PAPPA: variants seen among roughly 807,000 people sequenced by gnomAD.
PAPPA encodes pappalysin 1.
PAPPA carries 60 observed loss-of-function variants against 164.0 expected under a neutral mutation model. The ratio of observed to expected loss-of-function variants is 0.37; its 90% confidence interval spans 0.30 to 0.45. The LOEUF (loss-of-function observed/expected upper bound fraction) is 0.45, where lower values mean the gene tolerates loss of function less well. Ranked by LOEUF, PAPPA falls within the 20% of genes least tolerant of loss-of-function variation. PAPPA has a pLI of 1.00. For synonymous variants in PAPPA, 875 were observed against 814.1 expected (o/e 1.07, Z -1.27); for missense variants, 1,782 against 2,087.3 (o/e 0.85, Z 2.85).
chr9:116,173,746 C>T (rs1366581744), intron 1 of PAPPA, among the ~76,000 whole-genome samples: 1 of 152,208 alleles, frequency 6.6e-6, no homozygotes, highest in Non-Finnish European at 1.5e-5. Context: ...TTCCCCAAAT[C>T]CTGTACCTCA....
chr9:116,217,805 G>A (rs999214918), intron 4 of PAPPA, among the ~76,000 whole-genome samples: 6 of 152,098 alleles, frequency 3.9e-5, no homozygotes, highest in African/African-American at 1.2e-4. Flanking sequence ...CTTCACAGAT[G>A]GGGTAACTGA....
Position 116,398,656 on chromosome 9 carries a change from A to G in PAPPA, c.*2040A>G. ...TTGGCACAGGTGCCCACAAATACGG[A>G]TGCAGTGCTGAGATAGTTTATGAGA... is the stretch of plus-strand genomic sequence containing the variant. On this transcript the variant is annotated 3_prime_UTR_variant, in exon 22 of 22. Coordinates refer to ENST00000328252, the MANE Select transcript of PAPPA (RefSeq NM_002581.5). 1.7e-6 allele frequency: 1 copy of G among 595,642 alleles called. No homozygotes were observed. Among genetic ancestry groups the G allele is most frequent in the Non-Finnish European group, 2.8e-6 (1 of 354,646 alleles). The allele number at this position is 595,642 out of a possible 1,614,324, so 36.9% of individuals were successfully genotyped here.
chr9:116,307,565 T>G (rs1845662815), intron 10 of PAPPA, among the ~76,000 whole-genome samples: 1 of 152,066 alleles, frequency 6.6e-6, no homozygotes. Context: ...TGCCATTACA[T>G]TCCAGCCTTG....
intron 9 of PAPPA, among the ~76,000 whole-genome samples, chr9:116,301,675 T>G (rs1845580592): frequency 6.6e-6 from 1 of 152,214 alleles, no homozygotes; most frequent in Non-Finnish European, 1.5e-5. Context: ...GGCTGCAGCT[T>G]TAAATCATTC....
rs1846814054 is a variant in PAPPA at position 116,386,503 on chromosome 9, A to T, written c.4776+4010A>T. On this transcript the variant is annotated intron_variant, in intron 21 of 21. Coordinates refer to ENST00000328252, the MANE Select transcript of PAPPA (RefSeq NM_002581.5). ...TCAACACAGAGAGGTCACTATTCTT[A>T]TTCCCATCACACAGATGAACCAGTC... is the stretch of plus-strand genomic sequence containing the variant. Among the ~76,000 whole-genome samples the T allele has an allele frequency of 2.6e-5, 4 of 152,292 alleles. No homozygotes were observed. In the South Asian group the frequency reaches 8.3e-4, roughly 32 times the overall value.
intron 18 of PAPPA, among the ~76,000 whole-genome samples, chr9:116,365,044 C>T (rs1360042402): frequency 6.6e-6 from 1 of 152,188 alleles, no homozygotes; most frequent in Non-Finnish European, 1.5e-5. Context: ...AGTTTTTGCT[C>T]ATCCACTCCT....
intron 1 of PAPPA, among the ~76,000 whole-genome samples, chr9:116,181,277 C>G (rs1467077820): frequency 4.6e-5 from 7 of 152,128 alleles, no homozygotes; most frequent in Non-Finnish European, 1.0e-4. Context: ...TTCTGGAGAT[C>G]AAAAGTCCAA....
chr9:116,268,679 A>C (rs1845100858), intron 8 of PAPPA, among the ~76,000 whole-genome samples: 1 of 122,738 alleles, frequency 8.1e-6, no homozygotes, highest in African/African-American at 3.1e-5. Flanking sequence ...AATTATTATT[A>C]ATTTTAAATA....
In PAPPA at chr9:116,207,490, C is replaced by G; in HGVS notation, c.1513C>G (p.Leu505Val). Residue 505 changes from leucine to valine, a missense_variant, in exon 3 of 22, where the codon CTT becomes GTT. By Grantham distance (32) the Leu-to-Val change is conservative (BLOSUM62 1). Around this residue, in one of 2 missense-constraint regions of PAPPA, gnomAD observed 1,324 missense variants for 1,656.9 expected, o/e 0.80. Transcript: ENST00000328252. ...GGATGTTAATGAGCTGAAGAACATT[C>G]TTAAATTGGATGGATCAACACATCT... is the stretch of plus-strand genomic sequence containing the variant. ...YLDVNELKNI[L>V]KLDGSTHLNI... 2 of 1,612,746 alleles carry G rather than the reference C, an allele frequency of 1.2e-6. No homozygotes were observed. The highest frequency in any genetic ancestry group is 8.5e-7 in the Non-Finnish European group (1 of 1,179,166).
intron 7 of PAPPA, among the ~76,000 whole-genome samples, chr9:116,254,803 G>A (rs868078968): frequency 6.5e-4 from 90 of 137,476 alleles, no homozygotes; most frequent in African/African-American, 2.4e-3. Context: ...AAAAAAAAAA[G>A]AGAGAAAGAA....
In PAPPA at chr9:116,212,011, A is replaced by T. The variant is rs1445005128; in HGVS notation, c.1918+79A>T. 4.8e-6 allele frequency: 6 copies of T among 1,255,598 alleles called. No homozygotes were observed. In the African/African-American group the frequency reaches 5.9e-5, roughly 12 times the overall value. The allele number at this position is 1,255,598 out of a possible 1,614,324, so 77.8% of individuals were successfully genotyped here. ...CAATCCTGGCTCAGGGGAACCTTGA[A>T]CAAGCTACTTACCATTTCTAAGGAT... On this transcript the variant is annotated intron_variant, in intron 4 of 21. Transcript: ENST00000328252.
intron 9 of PAPPA, among the ~76,000 whole-genome samples, chr9:116,298,418 G>C (rs187557461): frequency 6.6e-6 from 1 of 152,222 alleles, no homozygotes; most frequent in East Asian, 1.9e-4. Context: ...TAGCTGGATA[G>C]AACAGATTTC....
chr9:116,353,868 A>C, intron 17 of PAPPA, 75 bp downstream of exon 17: 1 of 1,091,598 alleles, frequency 9.2e-7, no homozygotes, highest in Non-Finnish European at 1.3e-6. Flanking sequence ...CCTGTACTTC[A>C]GGAACCACTT....
chr9:116,210,429 CTTG>C (rs1020678009), intron 3 of PAPPA, among the ~76,000 whole-genome samples: 6 of 152,158 alleles, frequency 3.9e-5, no homozygotes, highest in Non-Finnish European at 5.9e-5. Context: ...CCATGTGGGG[CTTG>C]CCAGCTCAAA....
intron 21 of PAPPA, among the ~76,000 whole-genome samples, chr9:116,390,246 G>T (rs1043838672): frequency 5.3e-5 from 8 of 152,118 alleles, no homozygotes; most frequent in Non-Finnish European, 1.0e-4. Context: ...ATAAATGAAA[G>T]GTCCAGAAGG....
At chr9:116,278,292 G>T (rs1432596781) in intron 9 of PAPPA, among the ~76,000 whole-genome samples, 1 of 152,174 alleles carries the variant, frequency 6.6e-6, no homozygotes, top group Non-Finnish European at 1.5e-5. Flanking sequence ...GAAAATTGAG[G>T]CGTTGAGAGG....
intron 8 of PAPPA, among the ~76,000 whole-genome samples, chr9:116,267,700 C>T (rs1270333400): frequency 6.6e-6 from 1 of 151,486 alleles, no homozygotes; most frequent in African/African-American, 2.4e-5. Flanking sequence ...GGTGAAACCC[C>T]GTCTCTACTA....
chr9:116,255,443 A>C (rs745945346), intron 7 of PAPPA, among the ~76,000 whole-genome samples: 5 of 152,070 alleles, frequency 3.3e-5, no homozygotes, highest in Admixed American at 3.3e-4. Context: ...CATCCATTGG[A>C]TATTCTAGAT....
At chr9:116,224,499 A>G (rs1258818071) in intron 5 of PAPPA, among the ~76,000 whole-genome samples, 1 of 152,224 alleles carries the variant, frequency 6.6e-6, no homozygotes, top group Non-Finnish European at 1.5e-5. Context: ...TGATTTGTGT[A>G]ACTATTTCCT....
Sources: allele counts gnomAD v4.1 joint callset (sites outside exome capture counted in the v4.1 genomes callset), GRCh38; gene constraint gnomAD v4.1.1; regional missense constraint gnomAD v4.1.1; transcripts MANE v1.5; gene names NCBI Gene and HGNC (gene_info 2026-07-23, HGNC 2026-07-21).